Variants in ERICH1 observed in about 807,000 individuals in gnomAD.
ERICH1 encodes the protein glutamate rich 1.
A neutral mutation model predicts 39.6 loss-of-function variants in ERICH1; 56 were observed. The observed-to-expected ratio is 1.41, with a 90% CI of 1.14 to 1.77. ERICH1 has a LOEUF of 1.77. ERICH1 is among the 40% of genes most tolerant of loss of function. The probability of loss-of-function intolerance (pLI) is 0.00; values close to 1 mark genes in which losing one functional copy is unlikely to be tolerated. For synonymous variants in ERICH1, 313 were observed against 223.6 expected (o/e 1.40, Z -3.57); for missense variants, 826 against 575.4 (o/e 1.44, Z -4.45).
At chr8:656,808 G>A in intron 3 of ERICH1, 1 of 985,464 alleles carries the variant, frequency 1.0e-6, no homozygotes, top group Non-Finnish European at 1.2e-6. Flanking sequence ...CCAGCCTCAG[G>A]ACTCCCTCAC....
At chr8:683,600 C>T (rs233696) in intron 3 of ERICH1, among the ~76,000 whole-genome samples, 1,964 of 152,344 alleles carry the variant, frequency 0.013, 43 homozygotes, top group African/African-American at 0.042. Context: ...TGGCCTCCTC[C>T]CCCGGCTCCA....
At chr8:691,482 G>A (rs1483825408) in intron 3 of ERICH1, among the ~76,000 whole-genome samples, 4 of 152,234 alleles carry the variant, frequency 2.6e-5, no homozygotes, top group Admixed American at 2.6e-4. Context: ...CGCCAACCGC[G>A]GACAACAGGA....
rs182081375 is a variant in ERICH1 at position 664,479 on chromosome 8, C to T, written c.*124G>A. The T allele has an allele frequency of 3.3e-5, 44 of 1,319,114 alleles. No individual in the cohort carries two copies. The highest frequency in any genetic ancestry group is 8.8e-5 in the African/African-American group (6 of 68,014). The allele number at this position is 1,319,114 out of a possible 1,614,324, so 81.7% of individuals were successfully genotyped here. ...GCATCTTGCCCACCAGGAACAAACA[C>T]GTGAATAAATAATATGGCATAAATG... is the stretch of plus-strand genomic sequence containing the variant. On this transcript the variant is annotated 3_prime_UTR_variant, in exon 6 of 6. Coordinates refer to ENST00000262109, the MANE Select transcript of ERICH1 (RefSeq NM_207332.3).
chr8:687,282 G>A (rs1245208808), intron 3 of ERICH1, among the ~76,000 whole-genome samples: 2 of 152,172 alleles, frequency 1.3e-5, no homozygotes, highest in African/African-American at 4.8e-5. Flanking sequence ...ATTAGGAACC[G>A]GGGAAACACT....
intron 3 of ERICH1, among the ~76,000 whole-genome samples, chr8:687,904 C>T (rs1289175237): frequency 6.6e-6 from 1 of 152,260 alleles, no homozygotes; most frequent in East Asian, 1.9e-4. Flanking sequence ...GGCTTCCAGC[C>T]GAGACGGCAC....
intron 3 of ERICH1, among the ~76,000 whole-genome samples, chr8:620,964 A>G (rs1460528339): frequency 1.3e-5 from 2 of 152,228 alleles, no homozygotes; most frequent in Non-Finnish European, 2.9e-5. Flanking sequence ...ACAGCAGAAT[A>G]CATATTCTCA....
intron 3 of ERICH1, chr8:615,454 T>A (rs151032120): frequency 2.1e-6 from 1 of 481,486 alleles, no homozygotes; most frequent in Admixed American, 4.0e-5. Flanking sequence ...ATGGTCACAA[T>A]AGTGCCTGGG....
chr8:694,634 C>A (rs745883731), intron 2 of ERICH1, among the ~76,000 whole-genome samples: 2 of 152,236 alleles, frequency 1.3e-5, no homozygotes, highest in Non-Finnish European at 2.9e-5. Flanking sequence ...ACAGGCACCA[C>A]GCAGACAGGA....
At chr8:625,455 T>A (rs568340016) in intron 3 of ERICH1, among the ~76,000 whole-genome samples, 80 of 152,064 alleles carry the variant, frequency 5.3e-4, no homozygotes, top group African/African-American at 1.9e-3. Context: ...AGATTAGGGG[T>A]TGCTGGGGCT....
intron 3 of ERICH1, among the ~76,000 whole-genome samples, chr8:686,458 A>AC (rs1203017993): frequency 3.7e-4 from 24 of 65,190 alleles, no homozygotes; most frequent in East Asian, 1.1e-3. Context: ...TAAAAAAAAA[A>AC]AAAAAAACAA....
downstream of ERICH1, among the ~76,000 whole-genome samples, chr8:660,777 G>C (rs1384759477): frequency 6.6e-6 from 1 of 152,236 alleles, no homozygotes. Context: ...GCAGCCTCAG[G>C]ACAGCGCTAA....
At chr8:709,843 A>T (rs150470219) in intron 2 of ERICH1, among the ~76,000 whole-genome samples, 2 of 152,360 alleles carry the variant, frequency 1.3e-5, no homozygotes, top group East Asian at 3.9e-4. Flanking sequence ...ATCCATGCAT[A>T]CAGCTTCAAC....
At chr8:618,232 G>A (rs1222238709) in intron 3 of ERICH1, among the ~76,000 whole-genome samples, 2 of 151,556 alleles carry the variant, frequency 1.3e-5, no homozygotes, top group East Asian at 3.9e-4. Context: ...ACTGCCCTCT[G>A]AGTGCTCGGT....
Position 673,681 on chromosome 8 carries a change from T to C in ERICH1, c.671A>G (p.Glu224Gly). The C allele has an allele frequency of 1.2e-6, 2 of 1,613,880 alleles. No homozygotes were observed. The highest frequency in any genetic ancestry group is 1.7e-6 in the Non-Finnish European group (2 of 1,179,850). ...SEEDPTLAGEEDVKDTREEDG... is the reference protein window; with the variant it reads ...SEEDPTLAGEGDVKDTREEDG... The stretch of plus-strand genomic sequence containing the variant: ...TTCCTCCCTGGTATCTTTAACGTCT[T>C]CCTCCCCGGCCAGTGTCGGGTCTTC... The change falls in exon 4 of 6, where the codon GAA becomes GGA. Residue 224 changes from glutamate (E) to glycine (G), a missense_variant. Glu to Gly is a moderately conservative substitution (Grantham distance 98, BLOSUM62 -2). Coordinates refer to ENST00000262109, the MANE Select transcript of ERICH1 (RefSeq NM_207332.3).
At chr8:719,803 G>C (rs527948776) in intron 1 of ERICH1, among the ~76,000 whole-genome samples, 1 of 152,056 alleles carries the variant, frequency 6.6e-6, no homozygotes. Flanking sequence ...TGTTTCATTC[G>C]TTCCAAGGAC....
intron 3 of ERICH1, chr8:616,125 A>T (rs118144342): frequency 7.6e-4 from 128 of 168,426 alleles, no homozygotes; most frequent in East Asian, 4.5e-3. Context: ...ACTTCTGGTA[A>T]TTTTTTCTCT....
At chr8:693,026 C>T (rs1022860952) in intron 2 of ERICH1, among the ~76,000 whole-genome samples, 2 of 152,184 alleles carry the variant, frequency 1.3e-5, no homozygotes, top group East Asian at 3.9e-4. Context: ...TTTTTCTCCA[C>T]ACGTGCTAAC....
At chr8:694,075 G>T (rs1041959071) in intron 2 of ERICH1, among the ~76,000 whole-genome samples, 2 of 152,186 alleles carry the variant, frequency 1.3e-5, no homozygotes, top group African/African-American at 4.8e-5. Context: ...ACCAAATGAT[G>T]TGCATTTGAT....
At chr8:717,383 C>T (rs1816256135) in intron 1 of ERICH1, among the ~76,000 whole-genome samples, 1 of 152,156 alleles carries the variant, frequency 6.6e-6, no homozygotes, top group Admixed American at 6.5e-5. Flanking sequence ...TCAAGCATAC[C>T]TGCCCGGCGG....
Sources: gnomAD v4.1 joint callset for allele counts (sites outside exome capture counted in the v4.1 genomes callset) on GRCh38, gnomAD v4.1.1 for gene constraint, MANE v1.5 for transcripts, NCBI Gene and HGNC (gene_info 2026-07-23, HGNC 2026-07-21) for gene names.